KDM1A: variants seen among roughly 807,000 people sequenced by gnomAD.
KDM1A encodes the protein lysine demethylase 1A.
A neutral mutation model predicts 109.4 loss-of-function variants in KDM1A; 49 were observed. That is an observed-to-expected ratio of 0.45 (90% CI 0.36 to 0.57). The LOEUF is 0.57. Among genes scored for constraint, KDM1A ranks in the 20% least tolerant of loss-of-function variants. The probability of loss-of-function intolerance (pLI) is 0.00; values close to 1 mark genes in which losing one functional copy is unlikely to be tolerated. For missense variants in KDM1A, 668 were observed against 1,116.6 expected (o/e 0.60, Z 5.73); for synonymous variants, 380 against 415.4 (o/e 0.91, Z 1.04).
chr1:23,081,614 A>C (rs1200362745), intron 19 of KDM1A, 41 bp downstream of exon 19: 2 of 1,610,020 alleles, frequency 1.2e-6, no homozygotes, highest in African/African-American at 1.3e-5. Flanking sequence ...TAGGGTTCAG[A>C]CTCAACCAGG....
intron 2 of KDM1A, among the ~76,000 whole-genome samples, chr1:23,040,307 G>A (rs145945846): frequency 1.9e-3 from 289 of 152,338 alleles, no homozygotes; most frequent in Middle Eastern, 6.8e-3. Context: ...GATGTTGGAA[G>A]AGTGATCTCT....
chr1:23,054,378 T>C (rs1306649377), intron 5 of KDM1A, among the ~76,000 whole-genome samples: 1 of 152,188 alleles, frequency 6.6e-6, no homozygotes, highest in East Asian at 1.9e-4. Context: ...GGCAACATAG[T>C]GAGACCCCTA....
At chr1:23,064,461 C>T (rs576827901) in intron 9 of KDM1A, among the ~76,000 whole-genome samples, 1 of 152,272 alleles carries the variant, frequency 6.6e-6, no homozygotes, top group Admixed American at 6.5e-5. Flanking sequence ...CTGATTCTTT[C>T]TGGGGATTTC....
intron 2 of KDM1A, 139 bp from the exon 3 acceptor site, chr1:23,044,288 T>C (rs1642438593): frequency 2.8e-6 from 2 of 718,544 alleles, no homozygotes; most frequent in Non-Finnish European, 4.8e-6. Flanking sequence ...GGGCCTTGAT[T>C]CCAGAAGAAG....
chr1:23,077,502 G>A, intron 16 of KDM1A, 142 bp downstream of exon 16: 4 of 758,452 alleles, frequency 5.3e-6, no homozygotes, highest in Non-Finnish European at 7.9e-6. Context: ...AGACAGTTGA[G>A]CCTATAGAGT....
At position 23,082,309 on chromosome 1, in the gene KDM1A, C is replaced by T. The variant is rs1265815983; in HGVS notation, c.2388C>T (p.Asp796=). 1.5e-5 allele frequency: 25 copies of T among 1,613,818 alleles called. No homozygotes were observed. Among genetic ancestry groups the T allele is most frequent in the Non-Finnish European group, 2.0e-5 (24 of 1,179,994 alleles). The part of the protein sequence containing the change: ...SYVAAGSSGN[D]YDLMAQPITP... ...TTGCTGCAGGATCATCTGGAAATGA[C>T]TATGATTTAATGGCTCAGCCAATCA... Residue 796 remains aspartate, a synonymous_variant, in exon 20 of 21, where the codon GAC becomes GAT. Transcript: ENST00000400181.
chr1:23,039,303 A>G (rs1206134416), intron 2 of KDM1A, among the ~76,000 whole-genome samples: 2 of 152,194 alleles, frequency 1.3e-5, no homozygotes, highest in Non-Finnish European at 2.9e-5. Context: ...TTGTAAAGTC[A>G]TGCATCTTAC....
intron 5 of KDM1A, among the ~76,000 whole-genome samples, chr1:23,054,394 CA>C (rs1642763005): frequency 6.6e-6 from 1 of 152,010 alleles, no homozygotes; most frequent in Non-Finnish European, 1.5e-5. Context: ...CCCTATCTCT[CA>C]AAAAAATTAA....
At chr1:23,060,637 A>G (rs1214965107) in intron 9 of KDM1A, among the ~76,000 whole-genome samples, 1 of 151,978 alleles carries the variant, frequency 6.6e-6, no homozygotes, top group Non-Finnish European at 1.5e-5. Context: ...GTGTTTATGG[A>G]AGGGAAAAGC....
chr1:23,066,180 C>G, intron 10 of KDM1A, 109 bp downstream of exon 10: 1 of 777,230 alleles, frequency 1.3e-6, no homozygotes, highest in Admixed American at 2.3e-5. Flanking sequence ...ATCATACATT[C>G]ACACTGGTTT....
At position 23,068,257 on chromosome 1, in the gene KDM1A, G is replaced by A. The variant is rs571125763; in HGVS notation, c.1180-282G>A. Reference sequence around the variant, plus strand: ...GCCACTTGTGCTCCATGTGACTTCAGTTAGCACCAGTGTAAATCTTGTGGC... The same window carrying A: ...GCCACTTGTGCTCCATGTGACTTCAATTAGCACCAGTGTAAATCTTGTGGC... On this transcript the variant is annotated intron_variant, in intron 10 of 20. Transcript: ENST00000400181. Among the ~76,000 whole-genome samples the A allele has an allele frequency of 1.1e-4, 17 of 152,280 alleles. No individual in the cohort carries two copies. In the South Asian group the frequency reaches 3.3e-3, roughly 30 times the overall value.
At chr1:23,048,186 C>T (rs1266896839) in intron 3 of KDM1A, among the ~76,000 whole-genome samples, 1 of 151,560 alleles carries the variant, frequency 6.6e-6, no homozygotes, top group East Asian at 1.9e-4. Context: ...GGTTGAAATA[C>T]TCAGGATTTA....
chr1:23,043,818 TTATC>T (rs1413086678), intron 2 of KDM1A, among the ~76,000 whole-genome samples: 1 of 152,218 alleles, frequency 6.6e-6, no homozygotes, highest in Non-Finnish European at 1.5e-5. Context: ...AAGTGTGTGT[TTATC>T]TACAGTACTT....
Position 23,053,809 on chromosome 1 carries a change from A to G in KDM1A, c.760A>G (p.Thr254Ala). 1 of 1,608,200 alleles carries G rather than the reference A, an allele frequency of 6.2e-7. No individual in the cohort carries two copies. The highest frequency in any genetic ancestry group is 1.7e-5 in the Admixed American group (1 of 59,952). Residue 254 changes from threonine to alanine, a missense_variant, in exon 5 of 21, where the codon ACT becomes GCT. This residue lies in a region of KDM1A where 149 missense variants were observed against 189.7 expected (regional missense o/e 0.79). Transcript: ENST00000400181. ...NPKIQLTFEA[T>A]LQQLEAPYNS... The stretch of plus-strand genomic sequence containing the variant: ...AAAGATTCAGCTGACATTTGAGGCT[A>G]CTCTCCAACAATTAGAAGCACCTTA...
chr1:23,080,938 A>G (rs963706485), intron 18 of KDM1A: 1 of 152,808 alleles, frequency 6.5e-6, no homozygotes, highest in African/African-American at 2.4e-5. Context: ...GTAATAGTTT[A>G]TATCATATTT....
chr1:23,042,699 G>T (rs1283188326), intron 2 of KDM1A, among the ~76,000 whole-genome samples: 2 of 150,988 alleles, frequency 1.3e-5, no homozygotes, highest in African/African-American at 4.9e-5. Flanking sequence ...TGATCCGCCC[G>T]CCTCGGCCTC....
chr1:23,076,600 T>C (rs1643471213), intron 15 of KDM1A, among the ~76,000 whole-genome samples: 3 of 136,138 alleles, frequency 2.2e-5, no homozygotes, highest in Non-Finnish European at 3.3e-5. Flanking sequence ...TCCTGAATCA[T>C]CATTCCCCCT....
Position 23,055,978 on chromosome 1 carries a change from C to G in KDM1A, c.930C>G (p.Gly310=), listed in dbSNP as rs773929186. The G allele has an allele frequency of 6.2e-7, 1 of 1,613,072 alleles. No individual in the cohort carries two copies. The highest frequency in any genetic ancestry group is 1.1e-5 in the South Asian group (1 of 91,046). ...KVIIIGSGVS[G]LAAARQLQSF... is the part of the protein sequence containing the mutation. ...TTATTATAGGCTCTGGGGTCTCAGGCTTGGCAGCAGCTCGACAGTTACAAA... is the reference window on the plus strand; with the variant it reads ...TTATTATAGGCTCTGGGGTCTCAGGGTTGGCAGCAGCTCGACAGTTACAAA... The change falls in exon 7 of 21, where the codon GGC becomes GGG. Residue 310 remains glycine, a synonymous_variant. Coordinates refer to ENST00000400181, the MANE Select transcript of KDM1A (RefSeq NM_001009999.3).
Position 23,082,079 on chromosome 1 carries a change from T to TCC in KDM1A, c.2299-140_2299-139insCC. The TCC allele has an allele frequency of 7.5e-6, 6 of 795,858 alleles. 1 individual carries two copies. Among genetic ancestry groups the TCC allele is most frequent in the South Asian group, 7.4e-5 (4 of 53,760 alleles). 49.3% of individuals were successfully genotyped at this position (795,858 alleles called of 1,614,324 possible). Reference sequence around the variant, plus strand: ...TCCATGTGTGTTTTAAAGCAGGCATTCATCACTTGATCACTGGCTCTCACA... The same window carrying TCC: ...TCCATGTGTGTTTTAAAGCAGGCATTCCCATCACTTGATCACTGGCTCTCACA... On this transcript the variant is annotated intron_variant, in intron 19 of 20. Transcript: ENST00000400181.
Sources: gnomAD v4.1 joint callset for allele counts (sites outside exome capture counted in the v4.1 genomes callset) on GRCh38, gnomAD v4.1.1 for gene constraint, gnomAD v4.1.1 regional missense constraint, MANE v1.5 for transcripts, NCBI Gene and HGNC (gene_info 2026-07-23, HGNC 2026-07-21) for gene names.